Variants in SMARCC1 observed in about 807,000 individuals in gnomAD.
SMARCC1 encodes the protein SWI/SNF complex subunit SMARCC1.
Under a neutral mutation model 147.4 loss-of-function variants are expected in SMARCC1, and 43 were observed. The observed-to-expected ratio is 0.29, with a 90% CI of 0.23 to 0.38. The LOEUF (loss-of-function observed/expected upper bound fraction) is 0.38, where lower values mean the gene tolerates loss of function less well. Ranked by LOEUF, SMARCC1 falls within the 10% of genes least tolerant of loss-of-function variation. The pLI, the probability that SMARCC1 is intolerant of heterozygous loss-of-function variation, is 1.00. For missense variants in SMARCC1, 1,119 were observed against 1,381.1 expected (o/e 0.81, Z 3.01); for synonymous variants, 495 against 484.4 (o/e 1.02, Z -0.29).
intron 27 of SMARCC1, among the ~76,000 whole-genome samples, chr3:47,589,473 G>A (rs2032141555): frequency 1.3e-5 from 2 of 152,266 alleles, no homozygotes; most frequent in East Asian, 1.9e-4. Flanking sequence ...CTTGATAGGC[G>A]AGCTCATTTA....
At chr3:47,616,937 G>T (rs1426656415) in intron 25 of SMARCC1, among the ~76,000 whole-genome samples, 1 of 152,144 alleles carries the variant, frequency 6.6e-6, no homozygotes, top group Admixed American at 6.6e-5. Context: ...CTGCTTACTA[G>T]GTTAAGATGA....
chr3:47,669,772 C>T (rs968545867), intron 19 of SMARCC1, among the ~76,000 whole-genome samples: 7 of 152,088 alleles, frequency 4.6e-5, no homozygotes, highest in African/African-American at 1.7e-4. Context: ...TGATGATGCA[C>T]CAATGATACT....
intron 21 of SMARCC1, 75 bp from the exon 22 acceptor site, chr3:47,638,855 T>C (rs552090892): frequency 5.0e-6 from 5 of 1,000,294 alleles, no homozygotes; most frequent in Non-Finnish European, 8.0e-6. Context: ...GCTGTGAGAG[T>C]GTCTGAAATA....
At chr3:47,720,028 T>G (rs2034210828) in intron 7 of SMARCC1, among the ~76,000 whole-genome samples, 1 of 152,142 alleles carries the variant, frequency 6.6e-6, no homozygotes, top group Non-Finnish European at 1.5e-5. Flanking sequence ...TGGGCCACTG[T>G]GCCCGGCAAA....
At chr3:47,659,760 A>AGGGGG (rs71619691) in intron 21 of SMARCC1, among the ~76,000 whole-genome samples, 36 of 47,716 alleles carry the variant, frequency 7.5e-4, no homozygotes, top group South Asian at 2.4e-3. Flanking sequence ...GAAAAAAAAA[A>AGGGGG]GGGGGGGGGG....
intron 22 of SMARCC1, among the ~76,000 whole-genome samples, chr3:47,637,480 G>A (rs2032986167): frequency 6.6e-6 from 1 of 152,206 alleles, no homozygotes; most frequent in Non-Finnish European, 1.5e-5. Context: ...GGGAAGCCAA[G>A]GTGGGTGGAT....
intron 25 of SMARCC1, among the ~76,000 whole-genome samples, chr3:47,621,887 G>A (rs1035950331): frequency 6.6e-6 from 1 of 151,300 alleles, no homozygotes; most frequent in African/African-American, 2.4e-5. Flanking sequence ...TACTTTATTG[G>A]TAACAAGTAG....
chr3:47,678,279 G>A lies in SMARCC1; in HGVS notation c.1490C>T (p.Thr497Met). 2.5e-6 allele frequency: 4 copies of A among 1,596,870 alleles called. No individual in the cohort carries two copies. Among genetic ancestry groups the A allele is most frequent in the South Asian group, 1.1e-5 (1 of 87,990 alleles). Reference protein sequence around the residue: ...YLAYRNFMIDTYRLNPQEYLT... With the variant: ...YLAYRNFMIDMYRLNPQEYLT... ...ATACTCTTGGGGGTTTAGACGATAC[G>A]TGTCAATCATAAAATTTCGATATGC... is the stretch of plus-strand genomic sequence containing the variant. Residue 497 changes from threonine (T) to methionine (M), a missense_variant, in exon 16 of 28, where the codon ACG (threonine) becomes ATG (methionine). This residue lies in a region of SMARCC1 where 14 missense variants were observed against 40.3 expected (regional missense o/e 0.35). Coordinates refer to ENST00000254480, the MANE Select transcript of SMARCC1 (RefSeq NM_003074.4).
At chr3:47,748,029 G>A (rs1034881820) in intron 2 of SMARCC1, among the ~76,000 whole-genome samples, 2 of 151,822 alleles carry the variant, frequency 1.3e-5, no homozygotes, top group African/African-American at 4.8e-5. Context: ...ATGGTGGCGG[G>A]CGCATGTAAT....
chr3:47,614,107 C>G lies in SMARCC1; in HGVS notation c.2782-3780G>C, dbSNP rs929993460. ...AATAATCACACCTTCCTTTTCAATG[C>G]TTTGTATCAGTGATGAGAAATTCAC... On this transcript the variant is annotated intron_variant, in intron 25 of 27. Coordinates refer to ENST00000254480, the MANE Select transcript of SMARCC1 (RefSeq NM_003074.4). Among the ~76,000 whole-genome samples, 10 of 152,196 alleles carry G rather than the reference C, an allele frequency of 6.6e-5. No homozygotes were observed. The East Asian group carries it at 1.7e-3, about 26-fold the overall frequency.
At chr3:47,733,825 T>C (rs1020427097) in intron 5 of SMARCC1, among the ~76,000 whole-genome samples, 9 of 133,434 alleles carry the variant, frequency 6.7e-5, no homozygotes, top group South Asian at 2.3e-4. Context: ...GATCACGCCA[T>C]GGCACTCCAG....
At chr3:47,720,865 G>A (rs1576421679) in intron 6 of SMARCC1, 130 bp from the exon 7 acceptor site, 1 of 726,430 alleles carries the variant, frequency 1.4e-6, no homozygotes, top group East Asian at 2.6e-5. Context: ...TGCTGTTGCT[G>A]GTTTGGAAAG....
At chr3:47,655,570 A>G (rs2033250771) in intron 21 of SMARCC1, among the ~76,000 whole-genome samples, 1 of 150,994 alleles carries the variant, frequency 6.6e-6, no homozygotes, top group African/African-American at 2.4e-5. Flanking sequence ...CGTGGCACAC[A>G]CATGTAATCC....
intron 2 of SMARCC1, among the ~76,000 whole-genome samples, chr3:47,771,612 T>C (rs1362418228): frequency 6.6e-6 from 1 of 151,632 alleles, no homozygotes; most frequent in Non-Finnish European, 1.5e-5. Context: ...CGGTGGGTGG[T>C]GCATGCCTGT....
At chr3:47,776,230 A>C (rs2034973320) in intron 1 of SMARCC1, among the ~76,000 whole-genome samples, 1 of 152,202 alleles carries the variant, frequency 6.6e-6, no homozygotes, top group Admixed American at 6.6e-5. Context: ...TAACTTCATA[A>C]TCTTTAATAA....
intron 21 of SMARCC1, among the ~76,000 whole-genome samples, chr3:47,652,833 T>G (rs1358329221): frequency 1.3e-5 from 2 of 152,008 alleles, no homozygotes; most frequent in Admixed American, 1.3e-4. Context: ...GTTAAAAAGA[T>G]GGACTGAAGA....
intron 25 of SMARCC1, among the ~76,000 whole-genome samples, chr3:47,620,507 G>A (rs2032715042): frequency 6.6e-6 from 1 of 150,654 alleles, no homozygotes; most frequent in South Asian, 2.1e-4. Context: ...TTTCCACTAA[G>A]AGCTTACTTA....
chr3:47,761,316 C>A (rs1470079974), intron 2 of SMARCC1, among the ~76,000 whole-genome samples: 1 of 151,596 alleles, frequency 6.6e-6, no homozygotes, highest in East Asian at 1.9e-4. Context: ...AAAAAAAAGA[C>A]AGGCTGAATT....
chr3:47,653,498 A>G (rs751237636), intron 21 of SMARCC1, among the ~76,000 whole-genome samples: 10 of 152,196 alleles, frequency 6.6e-5, no homozygotes, highest in Non-Finnish European at 8.8e-5. Flanking sequence ...TTATCTTGCT[A>G]AGTAAAATCC....
Sources: allele counts gnomAD v4.1 joint callset (sites outside exome capture counted in the v4.1 genomes callset), GRCh38; gene constraint gnomAD v4.1.1; regional missense constraint gnomAD v4.1.1; transcripts MANE v1.5; gene names NCBI Gene and HGNC (gene_info 2026-07-23, HGNC 2026-07-21).